ATRN: variants seen among roughly 807,000 people sequenced by gnomAD.
The protein encoded by ATRN is attractin.
A neutral mutation model predicts 178.7 loss-of-function variants in ATRN; 54 were observed. The observed-to-expected ratio is 0.30, with a 90% CI of 0.24 to 0.38. The LOEUF (loss-of-function observed/expected upper bound fraction) is 0.38, where lower values mean the gene tolerates loss of function less well. ATRN is among the 10% of genes least tolerant of loss of function. The probability of loss-of-function intolerance (pLI) is 1.00; values close to 1 mark genes in which losing one functional copy is unlikely to be tolerated. For missense variants in ATRN, 1,443 were observed against 1,815.1 expected (o/e 0.79, Z 3.73); for synonymous variants, 636 against 663.0 (o/e 0.96, Z 0.63).
At chr20:3,606,038 C>T (rs1464680611) in intron 24 of ATRN, among the ~76,000 whole-genome samples, 3 of 151,870 alleles carry the variant, frequency 2.0e-5, no homozygotes, top group African/African-American at 7.3e-5. Context: ...TTCTCACCAC[C>T]CTCTCTCCTT....
In ATRN at chr20:3,502,263, C is replaced by G. The variant is rs778522777; in HGVS notation, c.410+30746C>G. On this transcript the variant is annotated intron_variant, in intron 1 of 28. Transcript: ENST00000262919. ...TAATTGAAACAGACTCATAGGGAGG[C>G]TTTTATTACAAATAAGATGGTATAG... Among the ~76,000 whole-genome samples the G allele has an allele frequency of 7.9e-5, 12 of 152,166 alleles. No homozygotes were observed. The South Asian group carries it at 1.9e-3, about 24-fold the overall frequency.
At chr20:3,599,017 A>T (rs1035875455) in intron 22 of ATRN, among the ~76,000 whole-genome samples, 5 of 152,260 alleles carry the variant, frequency 3.3e-5, no homozygotes, top group African/African-American at 1.2e-4. Flanking sequence ...CTATACAAGT[A>T]AATGAAAATA....
chr20:3,512,782 T>TA (rs2085154339), intron 1 of ATRN, among the ~76,000 whole-genome samples: 1 of 152,228 alleles, frequency 6.6e-6, no homozygotes, highest in African/African-American at 2.4e-5. Context: ...GTTTCCTGAC[T>TA]TTTTAATGAT....
intron 1 of ATRN, among the ~76,000 whole-genome samples, chr20:3,532,704 T>G (rs1246716571): frequency 6.6e-6 from 1 of 152,006 alleles, no homozygotes; most frequent in Non-Finnish European, 1.5e-5. Context: ...AAAGGGGAAC[T>G]GTGGGGGCAG....
intron 25 of ATRN, among the ~76,000 whole-genome samples, chr20:3,626,860 G>T (rs2086945302): frequency 1.4e-5 from 2 of 139,980 alleles, no homozygotes; most frequent in African/African-American, 5.6e-5. Flanking sequence ...TTGGCTCACT[G>T]CAAGCAACCG....
chr20:3,491,978 CT>C (rs2084800617), intron 1 of ATRN, among the ~76,000 whole-genome samples: 2 of 151,848 alleles, frequency 1.3e-5, no homozygotes, highest in Admixed American at 1.3e-4. Context: ...TGCCCATTGC[CT>C]TTTCTTTTCT....
At chr20:3,615,543 C>A (rs562097829) in intron 24 of ATRN, among the ~76,000 whole-genome samples, 22 of 147,414 alleles carry the variant, frequency 1.5e-4, no homozygotes, top group African/African-American at 5.4e-4. Flanking sequence ...TAATTCTTTT[C>A]TTTTTTCTTT....
chr20:3,478,979 G>A (rs1027090587), intron 1 of ATRN, among the ~76,000 whole-genome samples: 16 of 149,994 alleles, frequency 1.1e-4, no homozygotes, highest in Admixed American at 2.0e-4. Flanking sequence ...AGGCTGGAGG[G>A]CAGTGCTCCT....
intron 24 of ATRN, among the ~76,000 whole-genome samples, chr20:3,613,305 C>T (rs934584693): frequency 5.9e-5 from 9 of 152,102 alleles, no homozygotes; most frequent in South Asian, 2.1e-4. Flanking sequence ...TGACTAGGCC[C>T]GTGTCACCGT....
intron 1 of ATRN, chr20:3,489,861 A>T (rs1319676895): frequency 5.5e-6 from 7 of 1,281,718 alleles, no homozygotes; most frequent in Admixed American, 1.7e-5. Flanking sequence ...CCAGTAGGGA[A>T]TGCGTTTGCC....
chr20:3,560,786 C>T lies in ATRN; in HGVS notation c.1328C>T (p.Ala443Val). The change falls in exon 8 of 29, where the codon GCA becomes GTA. Residue 443 changes from alanine (A) to valine (V), a missense_variant. By Grantham distance (64) the Ala-to-Val change is moderately conservative. Around this residue, in one of 4 missense-constraint regions of ATRN, gnomAD observed 862 missense variants for 972.1 expected, o/e 0.89. Coordinates refer to ENST00000262919, the MANE Select transcript of ATRN (RefSeq NM_139321.3). ...ACCCCTAAGGCAAAGGAGCAGTATGCAGTGGTTGGGCACTCTGCACACATT... is the reference window on the plus strand; with the variant it reads ...ACCCCTAAGGCAAAGGAGCAGTATGTAGTGGTTGGGCACTCTGCACACATT... ...LLTPKAKEQY[A>V]VVGHSAHIVT... 6.2e-7 allele frequency: 1 copy of T among 1,614,084 alleles called. No homozygotes were observed. The highest frequency in any genetic ancestry group is 1.1e-5 in the South Asian group (1 of 91,082).
At position 3,576,679 on chromosome 20, in the gene ATRN, ATCTG is replaced by A. The variant is rs369364158; in HGVS notation, c.2215-164_2215-161del. Among the ~76,000 whole-genome samples the A allele has an allele frequency of 3.7e-4, 52 of 142,334 alleles. 1 individual carries two copies. Among genetic ancestry groups the A allele is most frequent in the African/African-American group, 1.3e-3 (49 of 38,394 alleles). The allele number at this position is 142,334 out of a possible 152,430, so 93.4% of individuals were successfully genotyped here. ...CAGAGCTACTGCAACTTATCTATCTATCTGTCTGTCTGTCTGTCTATCTATCTAT... is the reference window on the plus strand; with the variant it reads ...CAGAGCTACTGCAACTTATCTATCTATCTGTCTGTCTGTCTATCTATCTAT... On this transcript the variant is annotated intron_variant, in intron 13 of 28. Coordinates refer to ENST00000262919, the MANE Select transcript of ATRN (RefSeq NM_139321.3).
chr20:3,642,793 T>A (rs2087079325), intron 27 of ATRN, among the ~76,000 whole-genome samples: 1 of 152,156 alleles, frequency 6.6e-6, no homozygotes, highest in Non-Finnish European at 1.5e-5. Flanking sequence ...AGTCACACAC[T>A]ACTCTAGGTA....
chr20:3,499,789 C>G (rs1202105457), intron 1 of ATRN, among the ~76,000 whole-genome samples: 1 of 150,838 alleles, frequency 6.6e-6, no homozygotes, highest in African/African-American at 2.5e-5. Context: ...GACTTCATCT[C>G]TAAAACACCA....
intron 23 of ATRN, among the ~76,000 whole-genome samples, chr20:3,603,777 C>T (rs191540588): frequency 2.0e-5 from 3 of 152,216 alleles, no homozygotes; most frequent in East Asian, 3.9e-4. Context: ...TGTGAGCCAC[C>T]GCACCCGGCC....
chr20:3,649,597 G>A lies in ATRN; in HGVS notation c.*2750G>A, dbSNP rs929860400. On this transcript the variant is annotated 3_prime_UTR_variant, in exon 29 of 29. Transcript: ENST00000262919. Reference sequence around the variant, plus strand: ...GAAAAATCAGGCAGGGAATCGAAACGACAGTGCTGGAGGAGACTCAGGAAG... The same window carrying A: ...GAAAAATCAGGCAGGGAATCGAAACAACAGTGCTGGAGGAGACTCAGGAAG... 1.3e-4 allele frequency: 20 copies of A among 152,188 alleles called. No individual in the cohort carries two copies. The highest frequency in any genetic ancestry group is 4.1e-4 in the African/African-American group (17 of 41,428). The allele number at this position is 152,188 out of a possible 1,614,324, so 9.4% of individuals were successfully genotyped here.
intron 6 of ATRN, among the ~76,000 whole-genome samples, chr20:3,556,451 T>A (rs2085877946): frequency 6.6e-6 from 1 of 152,208 alleles, no homozygotes; most frequent in Non-Finnish European, 1.5e-5. Context: ...CCACAGAGCC[T>A]TTGCCTTGGT....
chr20:3,511,253 A>G (rs1259819299), intron 1 of ATRN, among the ~76,000 whole-genome samples: 1 of 152,208 alleles, frequency 6.6e-6, no homozygotes, highest in African/African-American at 2.4e-5. Context: ...AGTTGAATAT[A>G]AAACAGGTAC....
At chr20:3,614,689 C>G (rs1378486338) in intron 24 of ATRN, among the ~76,000 whole-genome samples, 1 of 152,158 alleles carries the variant, frequency 6.6e-6, no homozygotes, top group African/African-American at 2.4e-5. Flanking sequence ...GTACACAATT[C>G]AGTGGTTTTC....
Sources: gnomAD v4.1 joint callset for allele counts (sites outside exome capture counted in the v4.1 genomes callset) on GRCh38, gnomAD v4.1.1 for gene constraint, gnomAD v4.1.1 regional missense constraint, MANE v1.5 for transcripts, NCBI Gene and HGNC (gene_info 2026-07-23, HGNC 2026-07-21) for gene names.